TAF1D: variants seen among roughly 807,000 people sequenced by gnomAD.
TAF1D encodes TATA box-binding protein-associated factor RNA polymerase I subunit D.
TAF1D carries 23 observed loss-of-function variants against 26.2 expected under a neutral mutation model. That is an observed-to-expected ratio of 0.88 (90% CI 0.63 to 1.25). The LOEUF (loss-of-function observed/expected upper bound fraction) is 1.25, where lower values mean the gene tolerates loss of function less well. Among genes scored for constraint, TAF1D ranks in the 50% most tolerant of loss-of-function variants. The probability of loss-of-function intolerance (pLI) is 0.00; values close to 1 mark genes in which losing one functional copy is unlikely to be tolerated. For synonymous variants in TAF1D, 100 were observed against 105.6 expected (o/e 0.95, Z 0.33); for missense variants, 299 against 322.0 (o/e 0.93, Z 0.55).
chr11:93,730,726 G>A, downstream of TAF1D: 7 of 489,032 alleles, frequency 1.4e-5, no homozygotes, highest in South Asian at 8.8e-5. Context: ...CATAACAATA[G>A]TATAAAAGTA....
chr11:93,741,353 C>T lies in TAF1D; in HGVS notation c.-59G>A, dbSNP rs1359610919. The T allele has an allele frequency of 2.2e-6, 1 of 456,076 alleles. No homozygotes were observed. The highest frequency in any genetic ancestry group is 4.4e-6 in the Non-Finnish European group (1 of 226,974). The allele number at this position is 456,076 out of a possible 1,614,324, so 28.3% of individuals were successfully genotyped here. On this transcript the variant is annotated 5_prime_UTR_variant, in exon 1 of 6. Transcript: ENST00000448108. ...CGGCCTCGCAGTGGCCCCAACCGCG[C>T]ACTTGCTGCTTGTAACCCAGGCCTC... is the stretch of plus-strand genomic sequence containing the variant.
chr11:93,738,273 AC>A lies in TAF1D; in HGVS notation c.294del (p.Arg98SerfsTer22), dbSNP rs775042556. ...KKRYKKKKKR[R>X]YQPTGRPRGR... ...CCCCGTGGTCTTCCTGTTGGCTGGT[AC>A]CTCCTCTTTTTCTTTTTTTTATATC... On this transcript the variant is annotated frameshift_variant, in exon 3 of 6. Transcript: ENST00000448108. LOFTEE classifies it high-confidence loss of function. 2 of 1,611,108 alleles carry A rather than the reference AC, an allele frequency of 1.2e-6. No homozygotes were observed. Among genetic ancestry groups the A allele is most frequent in the South Asian group, 2.2e-5 (2 of 90,466 alleles).
intron 1 of TAF1D, among the ~76,000 whole-genome samples, chr11:93,740,960 G>T (rs1288558941): frequency 2.0e-5 from 3 of 152,226 alleles, no homozygotes; most frequent in Non-Finnish European, 4.4e-5. Context: ...CTAACGCTGT[G>T]ACCACCAGCG....
downstream of TAF1D, chr11:93,734,949 G>GT (rs886147526): frequency 3.0e-6 from 3 of 996,692 alleles, no homozygotes; most frequent in African/African-American, 5.1e-5. Flanking sequence ...TTTTTGTGGA[G>GT]ATGTGTTTCT....
downstream of TAF1D, chr11:93,731,587 T>C: frequency 1.9e-6 from 1 of 518,762 alleles, no homozygotes; most frequent in Non-Finnish European, 3.8e-6. Context: ...AATAATGAAG[T>C]TTAAACACAT....
At chr11:93,733,009 C>T, downstream of TAF1D, 1 of 326,966 alleles carries the variant, frequency 3.1e-6, no homozygotes. Context: ...TGTGTTATAC[C>T]TGAAATACTG....
At chr11:93,731,415 G>A (rs191481463), downstream of TAF1D, 214 of 484,052 alleles carry the variant, frequency 4.4e-4, 1 homozygote, top group African/African-American at 1.7e-3. Context: ...ATTCATATCC[G>A]AATTTGCTCT....
Position 93,735,871 on chromosome 11 carries a change from C to G in TAF1D, c.*290G>C, listed in dbSNP as rs937909371. Reference sequence around the variant, plus strand: ...TTAAAATCACTACATTTCATTGTTTCAATACTCACAGGACACCTGTAAGCT... The same window carrying G: ...TTAAAATCACTACATTTCATTGTTTGAATACTCACAGGACACCTGTAAGCT... On this transcript the variant is annotated 3_prime_UTR_variant, in exon 6 of 6. Transcript: ENST00000448108. 5 of 1,134,276 alleles carry G rather than the reference C, an allele frequency of 4.4e-6. No homozygotes were observed. The South Asian group carries it at 7.9e-5, about 18-fold the overall frequency. 70.3% of individuals were successfully genotyped at this position (1,134,276 alleles called of 1,614,324 possible).
chr11:93,740,680 G>A (rs566808407), intron 1 of TAF1D, among the ~76,000 whole-genome samples: 2 of 152,074 alleles, frequency 1.3e-5, no homozygotes, highest in African/African-American at 4.8e-5. Flanking sequence ...CCTGGTACAA[G>A]GTCTTACTAG....
downstream of TAF1D, chr11:93,732,080 A>C (rs776936465): frequency 3.9e-6 from 2 of 519,018 alleles, no homozygotes; most frequent in Non-Finnish European, 7.7e-6. Context: ...ATTTAGCCAC[A>C]TTAACTATTT....
chr11:93,731,290 C>T (rs1938677399), downstream of TAF1D: 1 of 342,378 alleles, frequency 2.9e-6, no homozygotes, highest in African/African-American at 2.2e-5. Flanking sequence ...AATGAGGTTG[C>T]TTAGGTTCCA....
chr11:93,738,534 T>C, intron 2 of TAF1D, 35 bp from the exon 3 acceptor site: 4 of 1,521,920 alleles, frequency 2.6e-6, no homozygotes, highest in East Asian at 2.3e-5. Context: ...TTTCATCTTC[T>C]TTTCTTACTG....
chr11:93,738,607 G>A, intron 2 of TAF1D, 108 bp from the exon 3 acceptor site: 1 of 1,197,940 alleles, frequency 8.3e-7, no homozygotes, highest in Admixed American at 3.3e-5. Flanking sequence ...CAGAAAACAT[G>A]CCCAGAATTA....
At chr11:93,735,034 T>G (rs1177716368), downstream of TAF1D, 1 of 1,269,016 alleles carries the variant, frequency 7.9e-7, no homozygotes, top group Non-Finnish European at 1.0e-6. Flanking sequence ...GATTGCAGGC[T>G]TGACCCATTG....
downstream of TAF1D, chr11:93,732,901 G>GTAGT (rs894376491): frequency 3.4e-5 from 8 of 233,454 alleles, no homozygotes; most frequent in Non-Finnish European, 6.9e-5. Context: ...AAGAACACAG[G>GTAGT]TAGTTTCGTT....
intron 2 of TAF1D, 30 bp downstream of exon 2, chr11:93,739,207 G>C: frequency 6.6e-7 from 1 of 1,525,332 alleles, no homozygotes; most frequent in Middle Eastern, 1.7e-4. Flanking sequence ...TCATAATTCA[G>C]ATACAATAAA....
At position 93,736,051 on chromosome 11, in the gene TAF1D, GTTTCAGAA is replaced by G. The variant is rs138069553; in HGVS notation, c.*102_*109del. On this transcript the variant is annotated 3_prime_UTR_variant, in exon 6 of 6. Transcript: ENST00000448108. Reference sequence around the variant, plus strand: ...TTTTTTTCTTGTTATAAAGTTCTGGGTTTCAGAATTTCTTCACCACCAGACTGGTACAT... The same window carrying G: ...TTTTTTTCTTGTTATAAAGTTCTGGGTTTCTTCACCACCAGACTGGTACAT... 3.3e-3 allele frequency: 4,871 copies of G among 1,485,922 alleles called. 150 individuals carry two copies. In the African/African-American group the frequency reaches 0.064, roughly 19 times the overall value. The allele number at this position is 1,485,922 out of a possible 1,614,324, so 92.0% of individuals were successfully genotyped here. A position where few individuals can be genotyped will look rare whatever the true frequency, so the allele number is the denominator to read the frequency against.
downstream of TAF1D, chr11:93,731,624 T>TA (rs1473450582): frequency 3.9e-6 from 2 of 514,314 alleles, no homozygotes; most frequent in Non-Finnish European, 3.9e-6. Flanking sequence ...TCCTTTTTTT[T>TA]ACTCCTAAGT....
At chr11:93,730,473 C>T (rs764963239) in exon 12 of TAF1D, 1 of 746,798 alleles carries the variant, frequency 1.3e-6, no homozygotes, top group African/African-American at 1.7e-5. Flanking sequence ...TTTGATTAAC[C>T]TTTAAAACTC....
Sources: gnomAD v4.1 joint callset for allele counts (sites outside exome capture counted in the v4.1 genomes callset) on GRCh38, gnomAD v4.1.1 for gene constraint, MANE v1.5 for transcripts, NCBI Gene and HGNC (gene_info 2026-07-23, HGNC 2026-07-21) for gene names.